LARGE1: variants seen among roughly 807,000 people sequenced by gnomAD.
The protein encoded by LARGE1 is xylosyl- and glucuronyltransferase LARGE1.
LARGE1 carries 43 observed loss-of-function variants against 87.6 expected under a neutral mutation model. The ratio of observed to expected loss-of-function variants is 0.49; its 90% CI spans 0.38 to 0.63. LARGE1 has a LOEUF of 0.63. Ranked by LOEUF, LARGE1 falls within the 30% of genes least tolerant of loss-of-function variation. The pLI is 0.00. For synonymous variants in LARGE1, 434 were observed against 394.6 expected, an observed-to-expected ratio of 1.10 and a Z score of -1.18; for missense variants, 802 against 1,000.2, an observed-to-expected ratio of 0.80 and a Z score of 2.67.
intron 6 of LARGE1, among the ~76,000 whole-genome samples, chr22:33,534,169 C>T (rs2076975718): frequency 1.3e-5 from 2 of 151,996 alleles, no homozygotes; most frequent in Non-Finnish European, 2.9e-5. Flanking sequence ...CTTTGGGAGG[C>T]CGAGGCAGGC....
intron 7 of LARGE1, among the ~76,000 whole-genome samples, chr22:33,388,504 A>G (rs1171761557): frequency 1.3e-5 from 2 of 152,252 alleles, no homozygotes; most frequent in Non-Finnish European, 2.9e-5. Context: ...CTATGTGTGA[A>G]TTCACAGAAA....
chr22:33,749,539 A>C (rs979694520), intron 2 of LARGE1, among the ~76,000 whole-genome samples: 1 of 152,328 alleles, frequency 6.6e-6, no homozygotes, highest in Middle Eastern at 3.4e-3. Context: ...CTTGGGGGCT[A>C]TGTTCCCCCA....
chr22:33,360,269 C>T (rs1040329910), intron 9 of LARGE1, among the ~76,000 whole-genome samples: 11 of 149,246 alleles, frequency 7.4e-5, no homozygotes, highest in African/African-American at 2.2e-4. Context: ...GCCAAGACCA[C>T]GCCACTGTGC....
At chr22:33,329,370 A>G (rs987300559) in intron 10 of LARGE1, among the ~76,000 whole-genome samples, 4 of 151,932 alleles carry the variant, frequency 2.6e-5, no homozygotes, top group Admixed American at 1.3e-4. Flanking sequence ...AGCTTTTAAC[A>G]TAACAACAGA....
intron 2 of LARGE1, among the ~76,000 whole-genome samples, chr22:33,748,672 T>C (rs1354425714): frequency 6.6e-6 from 1 of 152,228 alleles, no homozygotes; most frequent in African/African-American, 2.4e-5. Context: ...ATCCAACATA[T>C]CTGTTAGGAA....
intron 10 of LARGE1, 34 bp downstream of exon 10, chr22:33,337,612 G>A (rs561287816): frequency 1.3e-5 from 21 of 1,612,764 alleles, no homozygotes; most frequent in Admixed American, 6.7e-5. Flanking sequence ...CAGAGAAGCC[G>A]CCCCTTCCCT....
intron 6 of LARGE1, among the ~76,000 whole-genome samples, chr22:33,432,919 AG>A (rs1400545500): frequency 6.6e-6 from 1 of 152,202 alleles, no homozygotes; most frequent in Non-Finnish European, 1.5e-5. Flanking sequence ...AGTGTTGTCT[AG>A]ATAACAACTG....
chr22:33,280,058 CG>C (rs947346354), intron 13 of LARGE1, among the ~76,000 whole-genome samples: 59 of 152,086 alleles, frequency 3.9e-4, no homozygotes, highest in African/African-American at 1.3e-3. Flanking sequence ...AAGAGTCTGG[CG>C]CAGTATTGAC....
intron 1 of LARGE1, among the ~76,000 whole-genome samples, chr22:33,784,720 C>A (rs139545528): frequency 0.017 from 2,535 of 152,022 alleles, 39 homozygotes; most frequent in Non-Finnish European, 0.025. Flanking sequence ...TTTATATACA[C>A]ACATACAGAG....
chr22:33,476,411 C>T (rs976087056), intron 6 of LARGE1, among the ~76,000 whole-genome samples: 7 of 152,168 alleles, frequency 4.6e-5, no homozygotes, highest in South Asian at 4.1e-4. Flanking sequence ...CTGGAAGCTC[C>T]GCCTACTACT....
At chr22:33,696,692 C>T (rs897209731) in intron 2 of LARGE1, among the ~76,000 whole-genome samples, 6 of 152,116 alleles carry the variant, frequency 3.9e-5, no homozygotes, top group South Asian at 2.1e-4. Flanking sequence ...TTAATTTTAG[C>T]CATGCTGGTG....
chr22:33,207,557 G>A (rs114150169), intron 11 of LARGE1, among the ~76,000 whole-genome samples: 207 of 152,268 alleles, frequency 1.4e-3, no homozygotes, highest in African/African-American at 4.6e-3. Context: ...GAGGAGCACT[G>A]GCAAGACAAG....
intron 2 of LARGE1, among the ~76,000 whole-genome samples, chr22:33,703,580 T>TGCAG (rs749722021): frequency 1.1e-4 from 17 of 152,158 alleles, no homozygotes; most frequent in Non-Finnish European, 2.2e-4. Context: ...ATAAGAGAGA[T>TGCAG]GCAGGAAGAG....
At chr22:33,626,352 GCAGT>G (rs1569322801) in intron 3 of LARGE1, 26 bp from the exon 4 acceptor site, 1 of 1,595,256 alleles carries the variant, frequency 6.3e-7, no homozygotes, top group Admixed American at 1.7e-5. Context: ...GACGGGGTGA[GCAGT>G]CAGACAGACG....
intron 14 of LARGE1, among the ~76,000 whole-genome samples, chr22:33,275,789 T>C (rs949936860): frequency 6.6e-6 from 1 of 152,202 alleles, no homozygotes. Flanking sequence ...CCAGGTCTCA[T>C]GGCTAGAAAA....
At chr22:33,878,129 C>CTT (rs1186663464) in intron 1 of LARGE1, among the ~76,000 whole-genome samples, 2,516 of 44,448 alleles carry the variant, frequency 0.057, 576 homozygotes, top group African/African-American at 0.14. Context: ...TATTGTATTT[C>CTT]TTTTTTTTTT....
intron 6 of LARGE1, among the ~76,000 whole-genome samples, chr22:33,542,751 C>T (rs751753203): frequency 3.3e-5 from 5 of 151,620 alleles, no homozygotes; most frequent in Non-Finnish European, 7.4e-5. Flanking sequence ...AGACACTGGG[C>T]CCACCTACTC....
intron 1 of LARGE1, among the ~76,000 whole-genome samples, chr22:33,784,981 A>G (rs534433399): frequency 1.8e-4 from 27 of 151,182 alleles, no homozygotes; most frequent in African/African-American, 5.3e-4. Context: ...GTGTATACAT[A>G]CATATGTGTA....
At chr22:33,568,492 C>G (rs574781803) in intron 5 of LARGE1, among the ~76,000 whole-genome samples, 5 of 152,098 alleles carry the variant, frequency 3.3e-5, no homozygotes, top group Non-Finnish European at 5.9e-5. Flanking sequence ...CCTGGCTGGG[C>G]GCAGTGGCTC....
Sources: gnomAD v4.1 joint callset for allele counts (sites outside exome capture counted in the v4.1 genomes callset) on GRCh38, gnomAD v4.1.1 for gene constraint, MANE v1.5 for transcripts, NCBI Gene and HGNC (gene_info 2026-07-23, HGNC 2026-07-21) for gene names.